PPP1R1C: variants seen among roughly 807,000 people sequenced by gnomAD.
PPP1R1C encodes the protein protein phosphatase 1 regulatory inhibitor subunit 1C.
In PPP1R1C, 15 loss-of-function variants were observed where a neutral mutation model predicts 17.4. The observed-to-expected ratio is 0.86, with a 90% CI of 0.58 to 1.33. PPP1R1C has a LOEUF of 1.33. Ranked by LOEUF, PPP1R1C falls within the 40% of genes most tolerant of loss-of-function variation. The pLI is 0.00. For synonymous variants in PPP1R1C, 35 were observed against 43.1 expected, an observed-to-expected ratio of 0.81 and a Z score of 0.73; for missense variants, 143 against 130.0, an observed-to-expected ratio of 1.10 and a Z score of -0.48.
intron 2 of PPP1R1C, among the ~76,000 whole-genome samples, chr2:181,995,995 T>C (rs1348866730): frequency 6.6e-6 from 1 of 152,156 alleles, no homozygotes; most frequent in Non-Finnish European, 1.5e-5. Flanking sequence ...GTGGGGACTG[T>C]AGTCTACTTG....
At chr2:182,040,518 C>A (rs1010460799) in intron 2 of PPP1R1C, among the ~76,000 whole-genome samples, 3 of 151,828 alleles carry the variant, frequency 2.0e-5, no homozygotes, top group Non-Finnish European at 4.4e-5. Context: ...TTTTTTCTTG[C>A]AGATTTGTTT....
At chr2:182,113,002 T>C (rs557421621) in intron 4 of PPP1R1C, among the ~76,000 whole-genome samples, 11 of 152,346 alleles carry the variant, frequency 7.2e-5, no homozygotes, top group African/African-American at 2.6e-4. Flanking sequence ...AAAACAGAGC[T>C]AATTTTTCAA....
At chr2:182,026,691 G>A (rs188843043) in intron 2 of PPP1R1C, among the ~76,000 whole-genome samples, 2,840 of 152,114 alleles carry the variant, frequency 0.019, 75 homozygotes, top group African/African-American at 0.065. Flanking sequence ...TTGGCAATGC[G>A]GGCTCTTTTT....
intron 1 of PPP1R1C, among the ~76,000 whole-genome samples, chr2:181,964,654 A>G (rs1684874923): frequency 6.6e-6 from 1 of 152,160 alleles, no homozygotes; most frequent in Non-Finnish European, 1.5e-5. Context: ...TTTGGAAAAA[A>G]AGCCGTTTTA....
At chr2:182,022,053 T>C (rs1686444455) in intron 2 of PPP1R1C, among the ~76,000 whole-genome samples, 1 of 152,114 alleles carries the variant, frequency 6.6e-6, no homozygotes, top group South Asian at 2.1e-4. Flanking sequence ...GATATTTCTT[T>C]CAGTCATGAT....
At position 182,026,207 on chromosome 2, in the gene PPP1R1C, A is replaced by C. The variant is rs1686605228; in HGVS notation, c.143-35235A>C. ...TTCTTTTGCTGTGCAGAAGCTCTTT[A>C]GTTTAATTAGATCCCATTTGTCAAT... On this transcript the variant is annotated intron_variant, in intron 2 of 4. Transcript: ENST00000682840. 3.2e-5 allele frequency among the ~76,000 whole-genome samples: 3 copies of C among 93,840 alleles called. No individual in the cohort carries two copies. In the South Asian group the frequency reaches 1.3e-3, roughly 39 times the overall value. The allele number at this position is 93,840 out of a possible 152,430, so 61.6% of individuals were successfully genotyped here.
intron 2 of PPP1R1C, among the ~76,000 whole-genome samples, chr2:182,054,583 T>A (rs1687626008): frequency 6.6e-6 from 1 of 152,018 alleles, no homozygotes; most frequent in Non-Finnish European, 1.5e-5. Context: ...TTTTTTTCAC[T>A]CAACATAATG....
chr2:181,978,582 C>T (rs989811352), intron 2 of PPP1R1C, among the ~76,000 whole-genome samples: 1 of 152,150 alleles, frequency 6.6e-6, no homozygotes, highest in Non-Finnish European at 1.5e-5. Flanking sequence ...GTGGCTTTGC[C>T]TTCTTCACAG....
intron 1 of PPP1R1C, among the ~76,000 whole-genome samples, chr2:181,971,344 G>A (rs1685003387): frequency 6.6e-6 from 1 of 152,122 alleles, no homozygotes; most frequent in Non-Finnish European, 1.5e-5. Context: ...TTTCATCGAG[G>A]GTGTGTCTAG....
intron 4 of PPP1R1C, among the ~76,000 whole-genome samples, chr2:182,112,443 A>G (rs1386300290): frequency 6.6e-6 from 1 of 152,148 alleles, no homozygotes; most frequent in East Asian, 1.9e-4. Context: ...CCATGATGTA[A>G]TATCTTCTGA....
intron 1 of PPP1R1C, among the ~76,000 whole-genome samples, chr2:181,970,660 G>A (rs1684990353): frequency 6.6e-6 from 1 of 152,142 alleles, no homozygotes; most frequent in African/African-American, 2.4e-5. Context: ...TCCTTCAGGT[G>A]GCAATTTCTC....
At chr2:182,099,678 G>T (rs1174603209) in intron 4 of PPP1R1C, among the ~76,000 whole-genome samples, 1 of 152,200 alleles carries the variant, frequency 6.6e-6, no homozygotes. Flanking sequence ...TAATTTATTG[G>T]AGGATTTAAA....
intron 4 of PPP1R1C, among the ~76,000 whole-genome samples, chr2:182,085,061 T>C (rs147750556): frequency 0.015 from 2,246 of 152,236 alleles, 62 homozygotes; most frequent in African/African-American, 0.051. Context: ...GCTTGGTCAT[T>C]GTTGGTGTGC....
rs565512595 is a variant in PPP1R1C at position 182,032,505 on chromosome 2, G to A, written c.143-28937G>A. On this transcript the variant is annotated intron_variant, in intron 2 of 4. Transcript: ENST00000682840. Reference sequence around the variant, plus strand: ...ATCTTTGTCAGGTTTTTGTTCACTGGTATATTCCAGGAGCCTAGAGCAGTT... The same window carrying A: ...ATCTTTGTCAGGTTTTTGTTCACTGATATATTCCAGGAGCCTAGAGCAGTT... Among the ~76,000 whole-genome samples, 10 of 152,188 alleles carry A rather than the reference G, an allele frequency of 6.6e-5. No individual in the cohort carries two copies. In the East Asian group the frequency reaches 7.7e-4, roughly 12 times the overall value.
rs957293316 is a variant in PPP1R1C, at chr2:181,957,852, C to T, written n.111+3218C>T. Among the ~76,000 whole-genome samples the T allele has an allele frequency of 3.3e-5, 5 of 152,158 alleles. No homozygotes were observed. Among genetic ancestry groups the T allele is most frequent in the African/African-American group, 1.2e-4 (5 of 41,426 alleles). On this transcript the variant is annotated intron_variant and non_coding_transcript_variant, in intron 1 of 5. Coordinates refer to the PPP1R1C transcript ENST00000464264. This position sits in a 1 kb window ranked among gnomAD's most constrained non-coding sequence, Gnocchi z 4.2. ...TGGATGACTGCATTGCTAATCTTGC[C>T]ATTGCATTTCGCTAAAGTGCAAATA...
At position 182,126,149 on chromosome 2, in the gene PPP1R1C, A is replaced by G. The variant is rs546320571; in HGVS notation, c.*7-2825A>G. Among the ~76,000 whole-genome samples, 16 of 152,244 alleles carry G rather than the reference A, an allele frequency of 1.1e-4. No homozygotes were observed. In the East Asian group the frequency reaches 3.1e-3, roughly 29 times the overall value. On this transcript the variant is annotated intron_variant, in intron 5 of 5. Coordinates refer to the PPP1R1C transcript ENST00000280295. ...TATAGATTTATGCATTCATAAATAA[A>G]CCATATATATTGTATTTTTTTAAAA...
chr2:182,103,915 A>T (rs1355685272), intron 4 of PPP1R1C: 1 of 152,190 alleles, frequency 6.6e-6, no homozygotes, highest in Non-Finnish European at 1.5e-5. Context: ...GATAAAAGAA[A>T]AGTTTCAGTA....
At chr2:182,093,093 G>A (rs1467304712) in intron 4 of PPP1R1C, among the ~76,000 whole-genome samples, 1 of 152,196 alleles carries the variant, frequency 6.6e-6, no homozygotes, top group Non-Finnish European at 1.5e-5. Context: ...GCAAGCATCT[G>A]CCTGGACATC....
upstream of PPP1R1C, among the ~76,000 whole-genome samples, chr2:181,985,130 G>A (rs188871699): frequency 1.0e-3 from 157 of 152,316 alleles, 1 homozygote; most frequent in African/African-American, 3.7e-3. The surrounding 1 kb of genome is among the most constrained non-coding windows in gnomAD (Gnocchi z 4.1). Context: ...GTCAGAGAAT[G>A]TAACTGGCTC....
Sources: gnomAD v4.1 joint callset for allele counts (sites outside exome capture counted in the v4.1 genomes callset) on GRCh38, gnomAD v4.1.1 for gene constraint, Gnocchi (gnomAD v3.1) non-coding constraint, MANE v1.5 for transcripts, NCBI Gene and HGNC (gene_info 2026-07-23, HGNC 2026-07-21) for gene names.